Variants in ESR1 observed in about 807,000 individuals in gnomAD.
The protein encoded by ESR1 is estrogen receptor.
In ESR1, 12 loss-of-function variants were observed where a neutral mutation model predicts 52.7. That is an observed-to-expected ratio of 0.23 (90% CI 0.15 to 0.37). ESR1 has a LOEUF of 0.37. Among genes scored for constraint, ESR1 ranks in the 10% least tolerant of loss-of-function variants. The pLI, the probability that ESR1 is intolerant of heterozygous loss-of-function variation, is 1.00. For synonymous variants in ESR1, 305 were observed against 316.8 expected, an observed-to-expected ratio of 0.96 and a Z score of 0.39; for missense variants, 584 against 779.7, an observed-to-expected ratio of 0.75 and a Z score of 2.99.
At chr6:151,985,689 A>T (rs769967909) in intron 4 of ESR1, among the ~76,000 whole-genome samples, 1 of 152,032 alleles carries the variant, frequency 6.6e-6, no homozygotes, top group Non-Finnish European at 1.5e-5. Flanking sequence ...TTATTTTGAG[A>T]CAGTGTCTCA....
intron 6 of ESR1, among the ~76,000 whole-genome samples, chr6:152,076,210 C>T (rs117316637): frequency 0.044 from 6,696 of 152,236 alleles, 197 homozygotes; most frequent in Middle Eastern, 0.1. Context: ...GTGGTTTCCT[C>T]CATGCTGTTC....
chr6:151,808,333 G>T lies in ESR1; in HGVS notation c.421G>T (p.Val141Leu). Reference sequence around the variant, plus strand: ...GGAGAACGAGCCCAGCGGCTACACGGTGCGCGAGGCCGGCCCGCCGGCATT... The same window carrying T: ...GGAGAACGAGCCCAGCGGCTACACGTTGCGCGAGGCCGGCCCGCCGGCATT... ...YLENEPSGYT[V>L]REAGPPAFYR... The change falls in exon 1 of 8, where the codon GTG becomes TTG. Residue 141 changes from valine to leucine, a missense_variant. Val to Leu is a conservative substitution (Grantham distance 32). This residue lies in a region of ESR1 where 251 missense variants were observed against 246.1 expected (regional missense o/e 1.02). Coordinates refer to ENST00000206249, the MANE Select transcript of ESR1 (RefSeq NM_000125.4). 6.5e-7 allele frequency: 1 copy of T among 1,537,102 alleles called. No individual in the cohort carries two copies. The highest frequency in any genetic ancestry group is 8.7e-7 in the Non-Finnish European group (1 of 1,145,706).
intron 2 of ESR1, among the ~76,000 whole-genome samples, chr6:151,878,647 C>T (rs1035318599): frequency 6.6e-6 from 1 of 152,136 alleles, no homozygotes; most frequent in Non-Finnish European, 1.5e-5. Flanking sequence ...AAAATAGAGA[C>T]TTAAGCAGAG....
chr6:151,967,866 G>C (rs1186768839), intron 4 of ESR1, among the ~76,000 whole-genome samples: 3 of 152,144 alleles, frequency 2.0e-5, no homozygotes, highest in Non-Finnish European at 4.4e-5. Context: ...ACTTTTTAAT[G>C]ATTGCCATTC....
intron 1 of ESR1, among the ~76,000 whole-genome samples, chr6:151,830,699 T>G (rs1782264038): frequency 6.6e-6 from 1 of 152,290 alleles, no homozygotes; most frequent in African/African-American, 2.4e-5. Context: ...AGATACAGAC[T>G]AAATGGGTTT....
chr6:151,843,337 A>G (rs1784599627), intron 2 of ESR1, among the ~76,000 whole-genome samples: 1 of 152,080 alleles, frequency 6.6e-6, no homozygotes, highest in South Asian at 2.1e-4. Flanking sequence ...GTGTCTTGTA[A>G]TGGGGAGATA....
At chr6:151,925,532 A>G (rs2032574844) in intron 3 of ESR1, among the ~76,000 whole-genome samples, 3 of 152,164 alleles carry the variant, frequency 2.0e-5, no homozygotes, top group Admixed American at 1.3e-4. Flanking sequence ...ACTGGAACCC[A>G]GGAGGTGGAG....
intron 4 of ESR1, among the ~76,000 whole-genome samples, chr6:151,981,848 G>C (rs571870786): frequency 6.6e-6 from 1 of 152,184 alleles, no homozygotes; most frequent in South Asian, 2.1e-4. Flanking sequence ...CTGTCATTAG[G>C]CTAAACTCTT....
chr6:152,122,623 G>C, intron 6 of ESR1: 1 of 1,614,140 alleles, frequency 6.2e-7, no homozygotes, highest in Non-Finnish European at 8.5e-7. Flanking sequence ...GCCGCGGCCG[G>C]ACCGACCTGG....
intron 3 of ESR1, among the ~76,000 whole-genome samples, chr6:151,940,705 G>A (rs2034954331): frequency 6.6e-6 from 1 of 152,150 alleles, no homozygotes; most frequent in East Asian, 1.9e-4. Flanking sequence ...CCCATCCACT[G>A]TGCTTTCGGC....
At chr6:152,114,634 G>A (rs1764257015) in intron 6 of ESR1, among the ~76,000 whole-genome samples, 2 of 152,074 alleles carry the variant, frequency 1.3e-5, no homozygotes, top group South Asian at 4.1e-4. Context: ...GCTCACGCCT[G>A]TAATCCCAGC....
At chr6:151,969,890 C>T (rs953798030) in intron 4 of ESR1, among the ~76,000 whole-genome samples, 7 of 152,100 alleles carry the variant, frequency 4.6e-5, no homozygotes, top group South Asian at 4.2e-4. Context: ...CTCTCCACTT[C>T]GCTTTCCTTT....
rs149855024 is a variant in ESR1 at position 152,012,052 on chromosome 6, ACT to A, written c.1235+277_1235+278del. On this transcript the variant is annotated intron_variant, in intron 5 of 7. Coordinates refer to ENST00000206249, the MANE Select transcript of ESR1 (RefSeq NM_000125.4). ...CACACACACACACACACACACTCAC[ACT>A]CTCTCTCTCTCTCTCTCTGTCATTA... 0.035 allele frequency among the ~76,000 whole-genome samples: 5,019 copies of A among 142,758 alleles called. 144 individuals are homozygous for A. Among genetic ancestry groups the A allele is most frequent in the East Asian group, 0.13 (640 of 4,822 alleles). 93.7% of individuals were successfully genotyped at this position (142,758 alleles called of 152,430 possible).
At position 151,945,032 on chromosome 6, in the gene ESR1, G is replaced by A. The variant is rs144053733; in HGVS notation, c.1096+524G>A. Among the ~76,000 whole-genome samples, 924 of 152,238 alleles carry A rather than the reference G, an allele frequency of 6.1e-3. 11 individuals are homozygous for A. The highest frequency in any genetic ancestry group is 0.036 in the South Asian group (174 of 4,818). ...GGAGCTTGAGGCCATCCGGGGCAAC[G>A]TGGCGAAACCCTGTCTCTACAACAA... On this transcript the variant is annotated intron_variant, in intron 4 of 7. Coordinates refer to ENST00000206249, the MANE Select transcript of ESR1 (RefSeq NM_000125.4).
intron 2 of ESR1, among the ~76,000 whole-genome samples, chr6:151,853,709 G>C (rs1787310023): frequency 6.6e-6 from 1 of 151,992 alleles, no homozygotes; most frequent in African/African-American, 2.4e-5. Context: ...TTTAATCGCT[G>C]GTGTTTTTTC....
chr6:151,947,302 A>G (rs988007944), intron 4 of ESR1, among the ~76,000 whole-genome samples: 3 of 152,168 alleles, frequency 2.0e-5, no homozygotes, highest in Admixed American at 6.5e-5. Context: ...CTGGGCAACA[A>G]TGAGACTCTG....
intron 4 of ESR1, among the ~76,000 whole-genome samples, chr6:151,987,030 G>C (rs2040554147): frequency 6.6e-6 from 1 of 152,036 alleles, no homozygotes. Context: ...TCCTCTACAG[G>C]GAAGGATTCC....
At chr6:151,780,211 G>A (rs553478517) in intron 2 of ESR1, among the ~76,000 whole-genome samples, 1 of 152,002 alleles carries the variant, frequency 6.6e-6, no homozygotes, top group East Asian at 1.9e-4. Context: ...CTGTCGGGGG[G>A]TTGGGGGTCA....
At chr6:152,097,179 T>TACAC (rs1004960816) in intron 7 of ESR1, among the ~76,000 whole-genome samples, 1 of 151,008 alleles carries the variant, frequency 6.6e-6, no homozygotes, top group East Asian at 1.9e-4. Context: ...CACACACACA[T>TACAC]ACACACACAC....
Sources: gnomAD v4.1 joint callset for allele counts (sites outside exome capture counted in the v4.1 genomes callset) on GRCh38, gnomAD v4.1.1 for gene constraint, gnomAD v4.1.1 regional missense constraint, MANE v1.5 for transcripts, NCBI Gene and HGNC (gene_info 2026-07-23, HGNC 2026-07-21) for gene names.